The following DPP10 variants were observed in gnomAD, a reference collection of about 807,000 sequenced individuals.
DPP10 encodes dipeptidyl peptidase like 10.
Under a neutral mutation model 120.9 loss-of-function variants are expected in DPP10, and 33 were observed. The ratio of observed to expected loss-of-function variants is 0.27; its 90% CI spans 0.21 to 0.37. DPP10 has a LOEUF of 0.37. DPP10 is among the 10% of genes least tolerant of loss of function. The pLI, the probability that DPP10 is intolerant of heterozygous loss-of-function variation, is 1.00. For synonymous variants in DPP10, 337 were observed against 326.1 expected, an observed-to-expected ratio of 1.03 and a Z score of -0.36; for missense variants, 816 against 942.8, an observed-to-expected ratio of 0.87 and a Z score of 1.76.
intron 1 of DPP10, among the ~76,000 whole-genome samples, chr2:114,471,760 G>A (rs1379553984): frequency 6.6e-6 from 1 of 152,218 alleles, no homozygotes; most frequent in Non-Finnish European, 1.5e-5. Context: ...CTAGGCTCAT[G>A]AGATGGAGCA....
At chr2:114,633,248 CTTTTTTTTTTTT>C (rs35372708) in intron 1 of DPP10, among the ~76,000 whole-genome samples, 2 of 72,782 alleles carry the variant, frequency 2.7e-5, no homozygotes, top group African/African-American at 1.5e-4. Context: ...GTTTTTCTTT[CTTTTTTTTTTTT>C]TTTTTTTTTT....
intron 1 of DPP10, among the ~76,000 whole-genome samples, chr2:115,076,615 A>G (rs750839098): frequency 6.6e-5 from 10 of 152,206 alleles, no homozygotes; most frequent in Non-Finnish European, 1.2e-4. Flanking sequence ...TACATGTAAC[A>G]TTGAACCTCT....
At chr2:114,921,832 T>C (rs1475351659) in intron 1 of DPP10, among the ~76,000 whole-genome samples, 2 of 152,324 alleles carry the variant, frequency 1.3e-5, no homozygotes, top group East Asian at 1.9e-4. Flanking sequence ...AATGAGTGAA[T>C]TGAATATAAG....
At chr2:114,792,440 A>G (rs547315156) in intron 1 of DPP10, among the ~76,000 whole-genome samples, 4 of 152,338 alleles carry the variant, frequency 2.6e-5, no homozygotes, top group African/African-American at 9.6e-5. Flanking sequence ...AGATATTCCT[A>G]AGAGGGAAAT....
intron 12 of DPP10, among the ~76,000 whole-genome samples, chr2:115,764,908 C>T (rs576253348): frequency 1.3e-5 from 2 of 152,112 alleles, no homozygotes; most frequent in African/African-American, 4.8e-5. Flanking sequence ...TTTTGCATAG[C>T]AGAAAAGGCA....
At chr2:115,693,633 G>T (rs888153639) in intron 7 of DPP10, among the ~76,000 whole-genome samples, 1 of 152,160 alleles carries the variant, frequency 6.6e-6, no homozygotes, top group Non-Finnish European at 1.5e-5. Flanking sequence ...TAGTATTAAT[G>T]TATGCATTTT....
chr2:114,945,634 GC>G (rs1697290688), intron 1 of DPP10, among the ~76,000 whole-genome samples: 1 of 152,100 alleles, frequency 6.6e-6, no homozygotes, highest in African/African-American at 2.4e-5. Flanking sequence ...GGCCAACATG[GC>G]AAAACCCTAT....
intron 1 of DPP10, among the ~76,000 whole-genome samples, chr2:114,962,070 A>AT (rs1389060643): frequency 6.6e-6 from 1 of 152,118 alleles, no homozygotes. Flanking sequence ...TATCTCTGCT[A>AT]TTGCTCACTA....
intron 1 of DPP10, among the ~76,000 whole-genome samples, chr2:114,658,563 CT>C (rs1410189918): frequency 6.6e-6 from 1 of 152,122 alleles, no homozygotes; most frequent in African/African-American, 2.4e-5. Flanking sequence ...TGGGTTGGAA[CT>C]GAAATAGGTG....
At chr2:115,496,983 G>A (rs2076430594) in intron 3 of DPP10, among the ~76,000 whole-genome samples, 1 of 151,980 alleles carries the variant, frequency 6.6e-6, no homozygotes, top group African/African-American at 2.4e-5. Context: ...CCTCTGGATG[G>A]GAGGTCACAG....
chr2:114,484,642 A>T (rs1030869434), intron 1 of DPP10, among the ~76,000 whole-genome samples: 1 of 152,086 alleles, frequency 6.6e-6, no homozygotes, highest in Non-Finnish European at 1.5e-5. Context: ...CAGTGGCTTC[A>T]TCTAGGAGTT....
At chr2:115,799,334 A>C (rs1312324416) in intron 19 of DPP10, among the ~76,000 whole-genome samples, 1 of 152,072 alleles carries the variant, frequency 6.6e-6, no homozygotes, top group African/African-American at 2.4e-5. Flanking sequence ...ATATATGTTA[A>C]TGTATAGGTT....
At chr2:115,447,917 C>G (rs927036493) in intron 3 of DPP10, among the ~76,000 whole-genome samples, 1 of 151,976 alleles carries the variant, frequency 6.6e-6, no homozygotes, top group African/African-American at 2.4e-5. Context: ...CAGTTTGATA[C>G]CAAAAGGTGA....
chr2:114,556,234 C>CATATATATATATATATATAT (rs56772742), intron 1 of DPP10, among the ~76,000 whole-genome samples: 26 of 86,946 alleles, frequency 3.0e-4, no homozygotes, highest in Admixed American at 6.4e-4. Context: ...ATAGATGATA[C>CATATATATATATATATATAT]ATATATATAT....
chr2:114,987,831 T>C (rs1422515604), intron 1 of DPP10, among the ~76,000 whole-genome samples: 5 of 85,498 alleles, frequency 5.8e-5, no homozygotes, highest in Admixed American at 1.1e-4. Flanking sequence ...TGAGATGGAG[T>C]CTCGCTCTGT....
At chr2:115,392,212 T>TC (rs1306931422) in intron 3 of DPP10, among the ~76,000 whole-genome samples, 11 of 152,154 alleles carry the variant, frequency 7.2e-5, no homozygotes, top group Middle Eastern at 3.4e-3. Context: ...TTTGTTTTCT[T>TC]CCCCCCGCAA....
At chr2:115,773,138 A>G (rs1681676037) in intron 13 of DPP10, among the ~76,000 whole-genome samples, 1 of 152,192 alleles carries the variant, frequency 6.6e-6, no homozygotes. Flanking sequence ...TCTGAAAACA[A>G]TGAGCTCATC....
intron 1 of DPP10, among the ~76,000 whole-genome samples, chr2:115,289,134 C>G (rs1293282432): frequency 2.0e-5 from 3 of 152,020 alleles, no homozygotes; most frequent in African/African-American, 7.2e-5. Context: ...ATCAGTAGCG[C>G]TGCTATGATA....
intron 19 of DPP10, among the ~76,000 whole-genome samples, chr2:115,804,602 G>T (rs1307968118): frequency 6.6e-6 from 1 of 152,114 alleles, no homozygotes; most frequent in East Asian, 1.9e-4. Flanking sequence ...TGTACAGATG[G>T]GTTTTTGGTG....
Sources: allele counts gnomAD v4.1 joint callset (sites outside exome capture counted in the v4.1 genomes callset), GRCh38; gene constraint gnomAD v4.1.1; transcripts MANE v1.5; gene names NCBI Gene and HGNC (gene_info 2026-07-23, HGNC 2026-07-21).